DDX43: variants seen among roughly 807,000 people sequenced by gnomAD.
DDX43 encodes probable ATP-dependent RNA helicase DDX43.
A neutral mutation model predicts 84.9 loss-of-function variants in DDX43; 50 were observed. That is an observed-to-expected ratio of 0.59 (90% CI 0.47 to 0.75). DDX43 has a LOEUF of 0.75. Ranked by LOEUF, DDX43 falls within the 30% of genes least tolerant of loss-of-function variation. The pLI, the probability that DDX43 is intolerant of heterozygous loss-of-function variation, is 0.00. For synonymous variants in DDX43, 291 were observed against 266.3 expected (o/e 1.09, Z -0.90); for missense variants, 689 against 798.6 (o/e 0.86, Z 1.65).
intron 5 of DDX43, 81 bp downstream of exon 5, chr6:73,404,852 G>C: frequency 9.4e-7 from 1 of 1,061,338 alleles, no homozygotes; most frequent in Non-Finnish European, 1.4e-6. Context: ...AATGTGAAAT[G>C]ATATTTGAAG....
Position 73,414,694 on chromosome 6 carries a change from AG to A in DDX43, c.1745+9del. On this transcript the variant is annotated intron_variant, in intron 14 of 16. Transcript: ENST00000370336. ...GCGCACGGGAAGAGCAGGGTAAGTA[AG>A]CTTAGTCCACCCATGAAAGGCCAAT... is the stretch of plus-strand genomic sequence containing the variant. The A allele has an allele frequency of 1.9e-6, 3 of 1,604,730 alleles. No individual in the cohort carries two copies. The highest frequency in any genetic ancestry group is 2.5e-6 in the Non-Finnish European group (3 of 1,176,766).
At chr6:73,404,997 A>G (rs1582637857) in intron 5 of DDX43, among the ~76,000 whole-genome samples, 1 of 152,168 alleles carries the variant, frequency 6.6e-6, no homozygotes, top group Admixed American at 6.6e-5. Context: ...CACTTAAAGT[A>G]TGGCTGGTGT....
rs1228486010 is a variant in DDX43 at position 73,417,535 on chromosome 6, G to T, written c.*374G>T. 1 of 152,124 alleles carries T rather than the reference G, an allele frequency of 6.6e-6. No individual in the cohort carries two copies. Among genetic ancestry groups the T allele is most frequent in the African/African-American group, 2.4e-5 (1 of 41,428 alleles). The allele number at this position is 152,124 out of a possible 1,614,324, so 9.4% of individuals were successfully genotyped here. A position where few individuals can be genotyped will look rare whatever the true frequency, so the allele number is the denominator to read the frequency against. On this transcript the variant is annotated 3_prime_UTR_variant, in exon 17 of 17. Coordinates refer to ENST00000370336, the MANE Select transcript of DDX43 (RefSeq NM_018665.3). ...AAGAATCAGCACCTGAAAAAATACT[G>T]TTAATAAATGTTCGTTTCTGTGATA... is the stretch of plus-strand genomic sequence containing the variant.
chr6:73,412,583 G>T (rs1409276494), intron 11 of DDX43, among the ~76,000 whole-genome samples: 2 of 150,318 alleles, frequency 1.3e-5, no homozygotes, highest in Non-Finnish European at 3.0e-5. Flanking sequence ...GTGCAGTGGG[G>T]TGATCTCGGC....
rs1324364820 is a variant in DDX43, at chr6:73,394,994, G to C, written c.89G>C (p.Arg30Thr). 1.2e-6 allele frequency: 2 copies of C among 1,614,166 alleles called. No homozygotes were observed. The highest frequency in any genetic ancestry group is 8.5e-7 in the Non-Finnish European group (1 of 1,180,060). Residue 30 changes from arginine (R) to threonine (T), a missense_variant, in exon 1 of 17, where the codon AGG (arginine) becomes ACG (threonine). Physicochemically the swap from Arg to Thr is moderately conservative, Grantham distance 71. Transcript: ENST00000370336. The part of the protein sequence containing the change: ...SSTVSRAPER[R>T]PAEELNRTGP... Reference sequence around the variant, plus strand: ...ACAGTGTCCCGAGCGCCAGAGAGGAGGCCGGCGGAGGAGTTGAATCGAACA... The same window carrying C: ...ACAGTGTCCCGAGCGCCAGAGAGGACGCCGGCGGAGGAGTTGAATCGAACA...
intron 2 of DDX43, among the ~76,000 whole-genome samples, chr6:73,399,983 C>T (rs1183348445): frequency 6.6e-6 from 1 of 152,174 alleles, no homozygotes; most frequent in Non-Finnish European, 1.5e-5. Flanking sequence ...TATTCCCTAG[C>T]TATCCAATTT....
chr6:73,414,329 G>A (rs905220353), intron 13 of DDX43, among the ~76,000 whole-genome samples: 2 of 152,188 alleles, frequency 1.3e-5, no homozygotes, highest in African/African-American at 4.8e-5. Context: ...TCTGAAAAAT[G>A]TATCTTTCTG....
intron 14 of DDX43, 25 bp downstream of exon 14, chr6:73,414,711 A>T: frequency 6.3e-7 from 1 of 1,592,854 alleles, no homozygotes; most frequent in Non-Finnish European, 8.5e-7. Flanking sequence ...TCCACCCATG[A>T]AAGGCCAATT....
At chr6:73,403,133 G>C (rs1467153304) in intron 4 of DDX43, among the ~76,000 whole-genome samples, 1 of 152,212 alleles carries the variant, frequency 6.6e-6, no homozygotes, top group Non-Finnish European at 1.5e-5. Flanking sequence ...TCAGAGACCA[G>C]GGAAAGGATT....
At chr6:73,411,058 C>G (rs958730429) in intron 10 of DDX43, among the ~76,000 whole-genome samples, 1 of 151,012 alleles carries the variant, frequency 6.6e-6, no homozygotes, top group Non-Finnish European at 1.5e-5. Context: ...CGCCTATAGT[C>G]CCAGCTACTC....
rs1486898103 is a variant in DDX43, at chr6:73,415,565, T to C, written c.1814T>C (p.Ile605Thr). Residue 605 changes from isoleucine (I) to threonine (T), a missense_variant, in exon 15 of 17, where the codon ATT (isoleucine) becomes ACT (threonine). Around this residue, in one of 2 missense-constraint regions of DDX43, gnomAD observed 552 missense variants for 692.7 expected, o/e 0.80. Transcript: ENST00000370336. Reference sequence around the variant, plus strand: ...AGGGTTGCCTCTGAATTGATTAATATTCTGGAAAGAGCAAATCAGGTGAGA... The same window carrying C: ...AGGGTTGCCTCTGAATTGATTAATACTCTGGAAAGAGCAAATCAGGTGAGA... ...DWRVASELIN[I>T]LERANQSIPE... The C allele has an allele frequency of 2.5e-6, 4 of 1,612,314 alleles. No individual in the cohort carries two copies. Among genetic ancestry groups the C allele is most frequent in the South Asian group, 2.2e-5 (2 of 90,954 alleles).
rs764552710 is a variant in DDX43, at chr6:73,409,290, C to A, written c.1222C>A (p.Pro408Thr). The part of the protein sequence containing the change: ...ADKMLDMGFE[P>T]QIMKILLDVR... ...CAAGATGTTGGACATGGGATTTGAA[C>A]CCCAGATAATGAAGATTTTGTTAGA... The change falls in exon 10 of 17, where the codon CCC becomes ACC. Residue 408 changes from proline to threonine, a missense_variant. Coordinates refer to ENST00000370336, the MANE Select transcript of DDX43 (RefSeq NM_018665.3). 2.0e-5 allele frequency: 32 copies of A among 1,613,980 alleles called. No homozygotes were observed. Among genetic ancestry groups the A allele is most frequent in the Non-Finnish European group, 2.5e-5 (29 of 1,180,014 alleles).
chr6:73,404,083 G>A (rs1039836068), intron 4 of DDX43, among the ~76,000 whole-genome samples: 7 of 150,252 alleles, frequency 4.7e-5, no homozygotes, highest in Non-Finnish European at 8.9e-5. Flanking sequence ...CCTCCCAAAA[G>A]TGCTAGGATT....
chr6:73,412,662 TGTGTGTGCGCGCGCGC>T lies in DDX43; in HGVS notation c.1368+378_1368+393del, dbSNP rs1283656110. On this transcript the variant is annotated intron_variant, in intron 11 of 16. Coordinates refer to ENST00000370336, the MANE Select transcript of DDX43 (RefSeq NM_018665.3). ...TAGTGTGTGTGTGTGTGTGTGTGTG[TGTGTGTGCGCGCGCGC>T]GTGTGTGTGTGTGCGCGTGCGTGCG... 3.1e-4 allele frequency among the ~76,000 whole-genome samples: 27 copies of T among 86,736 alleles called. 2 individuals are homozygous for T. The East Asian group carries it at 6.2e-3, about 20-fold the overall frequency. The allele number at this position is 86,736 out of a possible 152,430, so 56.9% of individuals were successfully genotyped here.
intron 4 of DDX43, among the ~76,000 whole-genome samples, chr6:73,403,768 G>C (rs1339755943): frequency 1.3e-5 from 2 of 151,356 alleles, no homozygotes; most frequent in East Asian, 3.9e-4. Flanking sequence ...TCCCACCTCA[G>C]CCTCTCAAGT....
rs143150591 is a variant in DDX43, at chr6:73,406,363, G to C, written c.808-1G>C. Reference sequence around the variant, plus strand: ...TGTTAATGTTTATCATTCCGTTTCAGTCACAGGCATGGCCCATTGTGTTGC... The same window carrying C: ...TGTTAATGTTTATCATTCCGTTTCACTCACAGGCATGGCCCATTGTGTTGC... On this transcript the variant is annotated splice_acceptor_variant, in intron 6 of 16. Coordinates refer to ENST00000370336, the MANE Select transcript of DDX43 (RefSeq NM_018665.3). LOFTEE classifies it high-confidence loss of function. 2 of 1,598,136 alleles carry C rather than the reference G, an allele frequency of 1.3e-6. No homozygotes were observed. Among genetic ancestry groups the C allele is most frequent in the Non-Finnish European group, 8.6e-7 (1 of 1,167,254 alleles).
chr6:73,394,889 C>T lies in DDX43; in HGVS notation c.-17C>T. ...AGCTGGACGGCAACGACGTCGGACG[C>T]GCCCCTTCTTGGAACAATGTCCCAC... On this transcript the variant is annotated 5_prime_UTR_variant, in exon 1 of 17. Coordinates refer to ENST00000370336, the MANE Select transcript of DDX43 (RefSeq NM_018665.3). 6.2e-7 allele frequency: 1 copy of T among 1,612,986 alleles called. No individual in the cohort carries two copies. The highest frequency in any genetic ancestry group is 8.5e-7 in the Non-Finnish European group (1 of 1,179,296).
chr6:73,406,468 G>C lies in DDX43; in HGVS notation c.912G>C (p.Leu304=), dbSNP rs775896887. Residue 304 remains leucine (L), a synonymous_variant, in exon 7 of 17, where the codon CTG becomes CTC. Transcript: ENST00000370336. The part of the protein sequence containing the change: ...LCYLMPGFIH[L]VLQPSLKGQR... The stretch of plus-strand genomic sequence containing the variant: ...ATTTAATGCCTGGATTTATTCATCT[G>C]GTCCTTCAACCCAGGTAAGAATTCC... The C allele has an allele frequency of 1.1e-5, 18 of 1,608,690 alleles. No individual in the cohort carries two copies. The Admixed American group carries it at 3.0e-4, about 27-fold the overall frequency.
intron 10 of DDX43, among the ~76,000 whole-genome samples, chr6:73,410,030 C>CA (rs200732786): frequency 0.25 from 23,083 of 93,996 alleles, 2,063 homozygotes; most frequent in Middle Eastern, 0.29. Context: ...AAATCTGTCT[C>CA]AAAAAAAAAA....
Sources: gnomAD v4.1 joint callset for allele counts (sites outside exome capture counted in the v4.1 genomes callset) on GRCh38, gnomAD v4.1.1 for gene constraint, gnomAD v4.1.1 regional missense constraint, MANE v1.5 for transcripts, NCBI Gene and HGNC (gene_info 2026-07-23, HGNC 2026-07-21) for gene names.